ATP2B2: variants seen among roughly 807,000 people sequenced by gnomAD.
ATP2B2 encodes the protein plasma membrane calcium-transporting ATPase 2.
A neutral mutation model predicts 120.0 loss-of-function variants in ATP2B2; 15 were observed. That is an observed-to-expected ratio of 0.12 (90% CI 0.08 to 0.19). The LOEUF is 0.19. ATP2B2 is among the 10% of genes least tolerant of loss of function. The pLI is 1.00. For synonymous variants in ATP2B2, 694 were observed against 700.3 expected (o/e 0.99, Z 0.14); for missense variants, 1,045 against 1,719.8 (o/e 0.61, Z 6.94).
At chr3:10,594,001 T>G (rs1464289905) in intron 2 of ATP2B2, among the ~76,000 whole-genome samples, 1 of 152,110 alleles carries the variant, frequency 6.6e-6, no homozygotes, top group Non-Finnish European at 1.5e-5. Context: ...GAAATGCAAA[T>G]CAAAACCACA....
At chr3:10,505,418 C>T (rs1039043064) in intron 1 of ATP2B2, 47 bp downstream of exon 1, 1 of 151,688 alleles carries the variant, frequency 6.6e-6, no homozygotes, top group Non-Finnish European at 1.5e-5. Context: ...TGGAGTGGGG[C>T]GCTTTTTATT....
At chr3:10,333,810 G>A (rs541129816) in intron 22 of ATP2B2, among the ~76,000 whole-genome samples, 37 of 152,302 alleles carry the variant, frequency 2.4e-4, no homozygotes, top group Admixed American at 1.1e-3. Context: ...AGAGAATGAG[G>A]GGTCAGGGCA....
chr3:10,523,913 G>A (rs186495800), intron 3 of ATP2B2, among the ~76,000 whole-genome samples: 99 of 152,126 alleles, frequency 6.5e-4, no homozygotes, highest in Non-Finnish European at 1.2e-3. Context: ...CCAGCTACTT[G>A]TGAGAGCAGC....
rs917466431 is a variant in ATP2B2, at chr3:10,343,331, G to A, written c.2704-366C>T. 6.6e-5 allele frequency among the ~76,000 whole-genome samples: 10 copies of A among 151,838 alleles called. No homozygotes were observed. The highest frequency in any genetic ancestry group is 1.2e-4 in the Non-Finnish European group (8 of 67,944). On this transcript the variant is annotated intron_variant, in intron 18 of 22. Coordinates refer to ENST00000360273, the MANE Select transcript of ATP2B2 (RefSeq NM_001001331.4). The surrounding 1 kb of genome is among the most constrained non-coding windows in gnomAD (Gnocchi z 4.2). Reference sequence around the variant, plus strand: ...ACCATTCCCACCGCCTCCGGCATGGGCTCCTACCTCCTCCCCCCACTGCCT... The same window carrying A: ...ACCATTCCCACCGCCTCCGGCATGGACTCCTACCTCCTCCCCCCACTGCCT...
In ATP2B2 at chr3:10,328,713, G is replaced by C; in HGVS notation, c.*101C>G. On this transcript the variant is annotated 3_prime_UTR_variant, in exon 23 of 23. Coordinates refer to ENST00000360273, the MANE Select transcript of ATP2B2 (RefSeq NM_001001331.4). ...AGTATTTGGTTTCCGATTGTTGCTC[G>C]TTGCTGCTTGGGTGAGTTGGGTGCC... 16 of 1,254,178 alleles carry C rather than the reference G, an allele frequency of 1.3e-5. No homozygotes were observed. Among genetic ancestry groups the C allele is most frequent in the Non-Finnish European group, 1.5e-5 (14 of 913,238 alleles). The allele number at this position is 1,254,178 out of a possible 1,614,324, so 77.7% of individuals were successfully genotyped here.
intron 2 of ATP2B2, among the ~76,000 whole-genome samples, chr3:10,547,614 GC>G (rs2067579075): frequency 6.6e-6 from 1 of 152,166 alleles, no homozygotes; most frequent in Admixed American, 6.5e-5. Context: ...GAGAAAACAG[GC>G]CCAGAGAGGG....
intron 8 of ATP2B2, among the ~76,000 whole-genome samples, chr3:10,380,965 C>T (rs543171358): frequency 6.4e-4 from 98 of 152,298 alleles, no homozygotes; most frequent in Admixed American, 2.9e-3. Context: ...GGATTTTCAT[C>T]ACTCTCATTT....
chr3:10,646,760 C>G (rs1246651399), intron 1 of ATP2B2, among the ~76,000 whole-genome samples: 1 of 152,150 alleles, frequency 6.6e-6, no homozygotes, highest in Non-Finnish European at 1.5e-5. Flanking sequence ...AAACCAACAA[C>G]AAGCCCATCA....
At chr3:10,575,907 G>C (rs550578212) in intron 2 of ATP2B2, among the ~76,000 whole-genome samples, 9 of 152,332 alleles carry the variant, frequency 5.9e-5, no homozygotes, top group African/African-American at 2.2e-4. Flanking sequence ...GGGCCTTAGA[G>C]ACCCCATGTG....
At chr3:10,370,455 C>A (rs1183238203) in intron 12 of ATP2B2, among the ~76,000 whole-genome samples, 1 of 152,352 alleles carries the variant, frequency 6.6e-6, no homozygotes, top group Non-Finnish European at 1.5e-5. Flanking sequence ...AAGACAAAAA[C>A]GTCGTCATGT....
chr3:10,687,694 C>G (rs956727133), intron 1 of ATP2B2, among the ~76,000 whole-genome samples: 14 of 152,124 alleles, frequency 9.2e-5, no homozygotes, highest in African/African-American at 3.4e-4. Context: ...AACCCCATCT[C>G]TCCTAAAAAT....
At chr3:10,507,481 C>G (rs771636229), upstream of ATP2B2, among the ~76,000 whole-genome samples, 1 of 152,128 alleles carries the variant, frequency 6.6e-6, no homozygotes, top group South Asian at 2.1e-4. Context: ...AAAACAGGCC[C>G]GTGTAAAGCT....
intron 1 of ATP2B2, among the ~76,000 whole-genome samples, chr3:10,465,775 C>T (rs1008688901): frequency 6.6e-6 from 1 of 152,230 alleles, no homozygotes; most frequent in East Asian, 1.9e-4. Flanking sequence ...CTGTTTCTTT[C>T]TCCAGGTTTG....
rs533157752 is a variant in ATP2B2, at chr3:10,610,130, T to C, written c.-415+9787A>G. On this transcript the variant is annotated intron_variant, in intron 2 of 21. Transcript: ENST00000646379. ...ATATACACATATATGCATAAATATA[T>C]ATATACATGTATATATATATATATA... 4.2e-3 allele frequency among the ~76,000 whole-genome samples: 486 copies of C among 114,836 alleles called. 2 individuals are homozygous for C. Among genetic ancestry groups the C allele is most frequent in the African/African-American group, 0.02 (467 of 22,812 alleles). 75.3% of individuals were successfully genotyped at this position (114,836 alleles called of 152,430 possible).
chr3:10,336,184 C>A (rs2060112016), intron 22 of ATP2B2: 1 of 1,550,562 alleles, frequency 6.4e-7, no homozygotes, highest in Non-Finnish European at 8.7e-7. Context: ...TGGACAACGA[C>A]ACGCGACTAG....
In ATP2B2 at chr3:10,363,305, G is replaced by A. The variant is rs180835093; in HGVS notation, c.1660-3182C>T. 9.6e-3 allele frequency among the ~76,000 whole-genome samples: 1,467 copies of A among 152,116 alleles called. 8 individuals are homozygous for A. The highest frequency in any genetic ancestry group is 0.015 in the Non-Finnish European group (990 of 68,000). The stretch of plus-strand genomic sequence containing the variant: ...TTTGCTCCTGCTGTAAAATTTCCAC[G>A]AGCCTTTTTATCTCCAGGGCTCCAA... On this transcript the variant is annotated intron_variant, in intron 12 of 22. Transcript: ENST00000360273.
chr3:10,518,619 G>T (rs186515858), intron 3 of ATP2B2, among the ~76,000 whole-genome samples: 1 of 152,214 alleles, frequency 6.6e-6, no homozygotes, highest in African/African-American at 2.4e-5. Context: ...GCCAAGCGCC[G>T]CTGCGGCCGT....
chr3:10,544,981 T>C (rs111277566), intron 2 of ATP2B2, among the ~76,000 whole-genome samples: 2,186 of 152,280 alleles, frequency 0.014, 18 homozygotes, highest in Middle Eastern at 0.085. Flanking sequence ...GAAACAACCA[T>C]ATGCCCAACA....
chr3:10,501,372 G>GTTTTTTTTTTTTTT (rs140295226), intron 1 of ATP2B2, among the ~76,000 whole-genome samples: 1 of 138,062 alleles, frequency 7.2e-6, no homozygotes. Context: ...TTTTTTAAAC[G>GTTTTTTTTTTTTTT]GTTTTTTTTT....
Sources: allele counts gnomAD v4.1 joint callset (sites outside exome capture counted in the v4.1 genomes callset), GRCh38; gene constraint gnomAD v4.1.1; non-coding constraint Gnocchi (gnomAD v3.1); transcripts MANE v1.5; gene names NCBI Gene and HGNC (gene_info 2026-07-23, HGNC 2026-07-21).